SHARPIN: variants seen among roughly 807,000 people sequenced by gnomAD.
SHARPIN encodes the protein hSIPL1.
In SHARPIN, 25 loss-of-function variants were observed where a neutral mutation model predicts 40.3. The ratio of observed to expected loss-of-function variants is 0.62; its 90% confidence interval spans 0.45 to 0.87. The LOEUF (loss-of-function observed/expected upper bound fraction) is 0.87. SHARPIN is among the 40% of genes least tolerant of loss of function. The probability of loss-of-function intolerance (pLI) is 0.00; values close to 1 mark genes in which losing one functional copy is unlikely to be tolerated. For missense variants in SHARPIN, 551 were observed against 516.1 expected (o/e 1.07, Z -0.66); for synonymous variants, 274 against 221.8 (o/e 1.24, Z -2.09).
At position 144,098,678 on chromosome 8, in the gene SHARPIN, C is replaced by T. The variant is rs552933359; in HGVS notation, c.*123G>A. Reference sequence around the variant, plus strand: ...TTAATGGTTTCATTTTGTGGCCCTTCCCCCCAACCCTGGTGACTGTCCCAG... The same window carrying T: ...TTAATGGTTTCATTTTGTGGCCCTTTCCCCCAACCCTGGTGACTGTCCCAG... On this transcript the variant is annotated 3_prime_UTR_variant, in exon 9 of 9. Coordinates refer to ENST00000398712, the MANE Select transcript of SHARPIN (RefSeq NM_030974.4). The T allele has an allele frequency of 1.1e-5, 5 of 475,224 alleles. No homozygotes were observed. The highest frequency in any genetic ancestry group is 8.0e-5 in the East Asian group (2 of 25,140). 29.4% of individuals were successfully genotyped at this position (475,224 alleles called of 1,614,324 possible). A position where few individuals can be genotyped will look rare whatever the true frequency, so the allele number is the denominator to read the frequency against.
Position 144,103,097 on chromosome 8 carries a change from C to T in SHARPIN, c.330G>A (p.Gln110=). 6.2e-7 allele frequency: 1 copy of T among 1,612,254 alleles called. No individual in the cohort carries two copies. The change falls in exon 2 of 9, where the codon CAG becomes CAA. Residue 110 remains glutamine, a synonymous_variant. Coordinates refer to ENST00000398712, the MANE Select transcript of SHARPIN (RefSeq NM_030974.4). ...CACCTCGGACTAGGACTGCCCACCG[C>T]TGAGCTTCCTGAGGGTTGAGGAAGT... ...SLHFLNPQEA[Q]RWAVLVRGAT...
At position 144,099,295 on chromosome 8, in the gene SHARPIN, C is replaced by T. The variant is rs1197556128; in HGVS notation, c.904G>A (p.Ala302Thr). Residue 302 changes from alanine (A) to threonine (T), a missense_variant, in exon 6 of 9, where the codon GCT becomes ACT. Physicochemically the swap from Ala to Thr is moderately conservative, Grantham distance 58 (BLOSUM62 0). Coordinates refer to ENST00000398712, the MANE Select transcript of SHARPIN (RefSeq NM_030974.4). ...GACTGACCTGGGGCTTCTCGAGGAGCTGACAGCAAGTAGAGGAAAGCAGGG... is the reference window on the plus strand; with the variant it reads ...GACTGACCTGGGGCTTCTCGAGGAGTTGACAGCAAGTAGAGGAAAGCAGGG... ...GDPAFLYLLSAPREAPATGPS... is the reference protein window; with the variant it reads ...GDPAFLYLLSTPREAPATGPS... The T allele has an allele frequency of 6.2e-7, 1 of 1,614,120 alleles. No individual in the cohort carries two copies. Among genetic ancestry groups the T allele is most frequent in the Non-Finnish European group, 8.5e-7 (1 of 1,179,988 alleles).
At chr8:144,099,480 C>T in intron 5 of SHARPIN, 30 bp downstream of exon 5, 1 of 1,609,770 alleles carries the variant, frequency 6.2e-7, no homozygotes, top group Non-Finnish European at 8.5e-7. Flanking sequence ...TCCTCTGCCC[C>T]TGGCAGGGCT....
In SHARPIN at chr8:144,099,131, G is replaced by C. The variant is rs377181483; in HGVS notation, c.997C>G (p.Leu333Val). 1.0e-5 allele frequency: 16 copies of C among 1,590,234 alleles called. No homozygotes were observed. In the African/African-American group the frequency reaches 1.6e-4, roughly 16 times the overall value. Residue 333 changes from leucine (L) to valine (V), a missense_variant, in exon 7 of 9, where the codon CTA becomes GTA. Coordinates refer to ENST00000398712, the MANE Select transcript of SHARPIN (RefSeq NM_030974.4). ...LGRLFPPSLG[L>V]PPGPQPAASS... Reference sequence around the variant, plus strand: ...GCAGCTGGCTGGGGGCCTGGGGGTAGCCCCAATGATGGGGGAAACAAGCGT... The same window carrying C: ...GCAGCTGGCTGGGGGCCTGGGGGTACCCCCAATGATGGGGGAAACAAGCGT...
In SHARPIN at chr8:144,101,599, T is replaced by A. The variant is rs1422446573; in HGVS notation, c.376+1452A>T. On this transcript the variant is annotated intron_variant, in intron 2 of 8. Coordinates refer to ENST00000398712, the MANE Select transcript of SHARPIN (RefSeq NM_030974.4). ...AATTTTTTTTTTTTTTTTTTTTTTT[T>A]AGTAGTCAGGGTTTCACCGTGTTAG... is the stretch of plus-strand genomic sequence containing the variant. Among the ~76,000 whole-genome samples the A allele has an allele frequency of 2.7e-3, 18 of 6,728 alleles. No individual in the cohort carries two copies. In the East Asian group the frequency reaches 0.066, roughly 25 times the overall value. 4.4% of individuals were successfully genotyped at this position (6,728 alleles called of 152,430 possible).
rs200702253 is a variant in SHARPIN, at chr8:144,099,794, C to G, written c.568G>C (p.Gly190Arg). The G allele has an allele frequency of 2.1e-4, 331 of 1,612,840 alleles. 1 individual carries two copies. Among genetic ancestry groups the G allele is most frequent in the Admixed American group, 1.5e-3 (89 of 60,004 alleles). The change falls in exon 4 of 9, where the codon GGG (glycine) becomes CGG (arginine). Residue 190 changes from glycine (G) to arginine (R), a missense_variant. By Grantham distance (125) the Gly-to-Arg change is moderately radical. Coordinates refer to ENST00000398712, the MANE Select transcript of SHARPIN (RefSeq NM_030974.4). Reference protein sequence around the residue: ...ARAIAGGDEKGAAQVAAVLAQ... With the variant: ...ARAIAGGDEKRAAQVAAVLAQ... Reference sequence around the variant, plus strand: ...AGGACGGCTGCCACTTGGGCTGCCCCCTTCTCGTCTCCACCTGCAATAGCC... The same window carrying G: ...AGGACGGCTGCCACTTGGGCTGCCCGCTTCTCGTCTCCACCTGCAATAGCC...
chr8:144,102,124 T>G (rs1335381872), intron 2 of SHARPIN, among the ~76,000 whole-genome samples: 1 of 152,158 alleles, frequency 6.6e-6, no homozygotes, highest in Non-Finnish European at 1.5e-5. Flanking sequence ...TAACAGCTAC[T>G]TAGGCTGAAG....
chr8:144,098,828 C>T (rs1836221184), intron 8 of SHARPIN, 38 bp downstream of exon 8: 1 of 1,426,318 alleles, frequency 7.0e-7, no homozygotes, highest in Non-Finnish European at 9.5e-7. Flanking sequence ...GGATTCTGCC[C>T]TGCCCCCCAC....
In SHARPIN at chr8:144,103,671, A is replaced by G; in HGVS notation, c.83T>C (p.Val28Ala). ...AAVLLAVHAA[V>A]RPLGAGPDAE... ...GTCTGGCCCGGCGCCCAGCGGCCTC[A>G]CCGCGGCGTGCACAGCCAAGAGCAC... The change falls in exon 1 of 9, where the codon GTG becomes GCG. Residue 28 changes from valine (V) to alanine (A), a missense_variant. Val to Ala is a moderately conservative substitution (Grantham distance 64). Coordinates refer to ENST00000398712, the MANE Select transcript of SHARPIN (RefSeq NM_030974.4). 6.6e-7 allele frequency: 1 copy of G among 1,520,610 alleles called. No homozygotes were observed. The highest frequency in any genetic ancestry group is 8.8e-7 in the Non-Finnish European group (1 of 1,140,730). The allele number at this position is 1,520,610 out of a possible 1,614,324, so 94.2% of individuals were successfully genotyped here.
Position 144,100,075 on chromosome 8 carries a change from G to C in SHARPIN, c.377-6C>G, listed in dbSNP as rs754762848. On this transcript the variant is annotated splice_region_variant and splice_polypyrimidine_tract_variant and intron_variant, in intron 2 of 8. Transcript: ENST00000398712. ...TGGTGAGTTGCTCTTGCTGCCTAGA[G>C]GTAAGATATGGGTGTGCTGTGCTGT... The C allele has an allele frequency of 1.9e-6, 3 of 1,565,960 alleles. No homozygotes were observed. Among genetic ancestry groups the C allele is most frequent in the South Asian group, 2.4e-5 (2 of 82,140 alleles).
intron 2 of SHARPIN, among the ~76,000 whole-genome samples, chr8:144,101,355 A>G (rs1176127142): frequency 2.0e-5 from 3 of 146,506 alleles, no homozygotes; most frequent in Non-Finnish European, 4.5e-5. Context: ...TCCCATCTCA[A>G]CCTCCCGAAT....
intron 2 of SHARPIN, 99 bp downstream of exon 2, chr8:144,102,952 G>T: frequency 6.8e-7 from 1 of 1,462,834 alleles, no homozygotes; most frequent in African/African-American, 1.4e-5. Context: ...AGCCTTCCCA[G>T]ACATCCAGCA....
At position 144,098,714 on chromosome 8, in the gene SHARPIN, G is replaced by C. The variant is rs1359157127; in HGVS notation, c.*87C>G. The C allele has an allele frequency of 1.8e-6, 1 of 553,380 alleles. No homozygotes were observed. Among genetic ancestry groups the C allele is most frequent in the Non-Finnish European group, 3.1e-6 (1 of 319,550 alleles). The allele number at this position is 553,380 out of a possible 1,614,324, so 34.3% of individuals were successfully genotyped here. On this transcript the variant is annotated 3_prime_UTR_variant, in exon 9 of 9. Transcript: ENST00000398712. ...TGGTGACTGTCCCAGCAAGCAGTCA[G>C]TAGAGGTCCCCGGAGTTCAGTGGGG...
At chr8:144,099,893 T>TGA in intron 3 of SHARPIN, 36 bp downstream of exon 3, 1 of 1,551,006 alleles carries the variant, frequency 6.4e-7, no homozygotes, top group Non-Finnish European at 8.8e-7. Flanking sequence ...CTATCTGCTA[T>TGA]CCCCGAACCC....
chr8:144,102,709 G>T, intron 2 of SHARPIN: 1 of 416,606 alleles, frequency 2.4e-6, no homozygotes, highest in Non-Finnish European at 4.4e-6. Context: ...TCACTCTCCT[G>T]CTGCTCTTGG....
At chr8:144,101,497 C>T (rs535908828) in intron 2 of SHARPIN, among the ~76,000 whole-genome samples, 74 of 150,864 alleles carry the variant, frequency 4.9e-4, no homozygotes, top group Non-Finnish European at 9.9e-4. Flanking sequence ...CAAGCTCCAC[C>T]TCCTGGGTTC....
intron 7 of SHARPIN, 43 bp from the exon 8 acceptor site, chr8:144,099,037 T>A: frequency 6.3e-7 from 1 of 1,586,668 alleles, no homozygotes; most frequent in Non-Finnish European, 8.6e-7. Context: ...CTCTTTCCAA[T>A]GCCCATGGCT....
intron 2 of SHARPIN, among the ~76,000 whole-genome samples, chr8:144,101,215 A>C (rs1035917184): frequency 6.6e-5 from 10 of 151,686 alleles, no homozygotes; most frequent in African/African-American, 2.4e-4. Context: ...CTTTTTTAAA[A>C]AACTCTACAG....
intron 2 of SHARPIN, among the ~76,000 whole-genome samples, chr8:144,101,739 T>C (rs1836292071): frequency 6.6e-6 from 1 of 152,068 alleles, no homozygotes; most frequent in Admixed American, 6.6e-5. Context: ...TTTAAATTTT[T>C]TGTATGTTGC....
Sources: gnomAD v4.1 joint callset for allele counts (sites outside exome capture counted in the v4.1 genomes callset) on GRCh38, gnomAD v4.1.1 for gene constraint, MANE v1.5 for transcripts, NCBI Gene and HGNC (gene_info 2026-07-23, HGNC 2026-07-21) for gene names.